MPRIP: variants seen among roughly 807,000 people sequenced by gnomAD.
MPRIP encodes the protein myosin phosphatase Rho-interacting protein.
Under a neutral mutation model 234.9 loss-of-function variants are expected in MPRIP, and 59 were observed. That is an observed-to-expected ratio of 0.25 (90% CI 0.20 to 0.31). MPRIP has a LOEUF of 0.31. Ranked by LOEUF, MPRIP falls within the 10% of genes least tolerant of loss-of-function variation. MPRIP has a pLI of 1.00. For missense variants in MPRIP, 2,436 were observed against 3,071.0 expected (o/e 0.79, Z 4.89); for synonymous variants, 1,144 against 1,263.9 (o/e 0.91, Z 2.01).
intron 5 of MPRIP, 99 bp from the exon 6 acceptor site, chr17:17,136,120 T>C: frequency 8.0e-7 from 1 of 1,246,818 alleles, no homozygotes; most frequent in South Asian, 1.3e-5. Flanking sequence ...ATTGTGTAGC[T>C]GGCCCGGGTG....
In MPRIP at chr17:17,188,576, C is replaced by G. The variant is rs1238274501; in HGVS notation, c.*3682C>G. 6 of 152,242 alleles carry G rather than the reference C, an allele frequency of 3.9e-5. No individual in the cohort carries two copies. Among genetic ancestry groups the G allele is most frequent in the African/African-American group, 1.4e-4 (6 of 41,466 alleles). 9.4% of individuals were successfully genotyped at this position (152,242 alleles called of 1,614,324 possible). A position where few individuals can be genotyped will look rare whatever the true frequency, so the allele number is the denominator to read the frequency against. Reference sequence around the variant, plus strand: ...TCTCAGAATGTGCCTGAAAGGAATACTGACAGATAAGGCCGGAAACAAAAC... The same window carrying G: ...TCTCAGAATGTGCCTGAAAGGAATAGTGACAGATAAGGCCGGAAACAAAAC... On this transcript the variant is annotated 3_prime_UTR_variant, in exon 24 of 24. Transcript: ENST00000651222.
chr17:17,118,658 A>G (rs2090331451), intron 3 of MPRIP, among the ~76,000 whole-genome samples: 1 of 152,122 alleles, frequency 6.6e-6, no homozygotes, highest in Non-Finnish European at 1.5e-5. Context: ...CCTGGTGGGT[A>G]CCTGCTAGGC....
intron 3 of MPRIP, among the ~76,000 whole-genome samples, chr17:17,119,077 C>G (rs1376748337): frequency 7.9e-5 from 12 of 152,214 alleles, no homozygotes; most frequent in Admixed American, 5.9e-4. Flanking sequence ...TGTTGTGCCT[C>G]CCAGGATGTG....
chr17:17,121,578 G>C lies in MPRIP; in HGVS notation c.268-5124G>C, dbSNP rs186838377. Among the ~76,000 whole-genome samples the C allele has an allele frequency of 2.0e-3, 298 of 152,364 alleles. 3 individuals are homozygous for C. Among genetic ancestry groups the C allele is most frequent in the Non-Finnish European group, 1.9e-4 (13 of 68,046 alleles). ...ACCATTGTGCCCTGCGCCTGTGCTG[G>C]TGCTGTTGTTGCTGCTTCCCCATCG... On this transcript the variant is annotated intron_variant, in intron 3 of 23. Transcript: ENST00000651222.
chr17:17,128,934 C>T (rs80057421), intron 4 of MPRIP, among the ~76,000 whole-genome samples: 1 of 152,176 alleles, frequency 6.6e-6, no homozygotes, highest in East Asian at 1.9e-4. Context: ...GGCTCTGGAG[C>T]GCCATTCTGG....
At chr17:17,055,143 G>A (rs2088655190) in intron 1 of MPRIP, among the ~76,000 whole-genome samples, 1 of 151,898 alleles carries the variant, frequency 6.6e-6, no homozygotes, top group African/African-American at 2.4e-5. Context: ...GGCCACTTCT[G>A]TGCCCCTGTC....
At position 17,158,973 on chromosome 17, in the gene MPRIP, C is replaced by T. The variant is rs751424742; in HGVS notation, c.2371C>T (p.His791Tyr). 6.2e-7 allele frequency: 1 copy of T among 1,612,714 alleles called. No homozygotes were observed. Reference protein sequence around the residue: ...SEDGGDRLSTHELTSLLEKEL... With the variant: ...SEDGGDRLSTYELTSLLEKEL... The stretch of plus-strand genomic sequence containing the variant: ...AGATGGGGGTGACCGGCTCTCCACA[C>T]ACGAGCTGACCTCTCTGCTCGAGAA... Residue 791 changes from histidine to tyrosine, a missense_variant, in exon 14 of 24, where the codon CAC (histidine) becomes TAC (tyrosine). Physicochemically the swap from His to Tyr is moderately conservative, Grantham distance 83 (BLOSUM62 2). Around this residue, in one of 4 missense-constraint regions of MPRIP, gnomAD observed 1,998 missense variants for 2,520.3 expected, o/e 0.79. Transcript: ENST00000651222.
intron 11 of MPRIP, among the ~76,000 whole-genome samples, chr17:17,147,938 A>G (rs2045514118): frequency 6.6e-6 from 1 of 152,174 alleles, no homozygotes; most frequent in African/African-American, 2.4e-5. Context: ...AACCTCTTCT[A>G]AACAGTTTGG....
intron 5 of MPRIP, 145 bp downstream of exon 5, chr17:17,131,846 G>A (rs1167949007): frequency 1.9e-5 from 14 of 718,752 alleles, no homozygotes; most frequent in Non-Finnish European, 3.1e-5. Context: ...GCTTTGGGCT[G>A]CAATCTGCAA....
At chr17:17,146,889 T>A (rs1256676682) in intron 10 of MPRIP, among the ~76,000 whole-genome samples, 2 of 152,266 alleles carry the variant, frequency 1.3e-5, no homozygotes, top group Admixed American at 6.5e-5. Context: ...TTACCCCTGC[T>A]GGTTAGGAGG....
chr17:17,070,075 A>G (rs1259066027), intron 1 of MPRIP, among the ~76,000 whole-genome samples: 1 of 152,146 alleles, frequency 6.6e-6, no homozygotes. Flanking sequence ...GTAGTGTGCC[A>G]CTTCCTTCTG....
At chr17:17,172,489 G>A (rs111567735) in intron 17 of MPRIP, among the ~76,000 whole-genome samples, 22 of 152,302 alleles carry the variant, frequency 1.4e-4, no homozygotes, top group African/African-American at 5.1e-4. Flanking sequence ...CCTTCCAGGG[G>A]GAGTTCATGA....
rs546226417 is a variant in MPRIP at position 17,189,003 on chromosome 17, C to T, written c.*4109C>T. On this transcript the variant is annotated 3_prime_UTR_variant, in exon 24 of 24. Coordinates refer to ENST00000651222, the MANE Select transcript of MPRIP (RefSeq NM_001364716.4). ...TGGCTGGCCACATACCCCTTTCTCC[C>T]AGCTACTCATTCACTGACTTGGGTA... 1.3e-5 allele frequency: 2 copies of T among 152,358 alleles called. No homozygotes were observed. The highest frequency in any genetic ancestry group is 2.1e-4 in the South Asian group (1 of 4,828). The allele number at this position is 152,358 out of a possible 1,614,324, so 9.4% of individuals were successfully genotyped here.
At chr17:17,155,381 T>C (rs1268526210) in intron 13 of MPRIP, among the ~76,000 whole-genome samples, 1 of 152,130 alleles carries the variant, frequency 6.6e-6, no homozygotes, top group Non-Finnish European at 1.5e-5. Flanking sequence ...GCCTCCCAAG[T>C]AGCTGGGATT....
intron 3 of MPRIP, among the ~76,000 whole-genome samples, chr17:17,107,317 G>C (rs1257050562): frequency 6.6e-6 from 1 of 152,250 alleles, no homozygotes; most frequent in Non-Finnish European, 1.5e-5. Context: ...GAAGACAAGA[G>C]TCTTCAGGAA....
At chr17:17,092,161 CT>C (rs1358676284) in intron 3 of MPRIP, among the ~76,000 whole-genome samples, 2 of 152,256 alleles carry the variant, frequency 1.3e-5, no homozygotes, top group African/African-American at 4.8e-5. Context: ...CCTCTCCCCA[CT>C]CCAAAGATGG....
intron 1 of MPRIP, among the ~76,000 whole-genome samples, chr17:17,049,076 T>C (rs192187926): frequency 2.0e-5 from 3 of 152,306 alleles, no homozygotes; most frequent in Admixed American, 2.0e-4. Context: ...GAGGCAGACA[T>C]GAAAGGTCAT....
At chr17:17,103,930 C>A (rs2090013143) in intron 3 of MPRIP, among the ~76,000 whole-genome samples, 1 of 152,112 alleles carries the variant, frequency 6.6e-6, no homozygotes. Flanking sequence ...GGATGGGAGA[C>A]CAGGTGTTTT....
intron 19 of MPRIP, among the ~76,000 whole-genome samples, chr17:17,174,437 G>C (rs1448841963): frequency 1.3e-5 from 2 of 152,170 alleles, no homozygotes. Flanking sequence ...GGCCTGGCAG[G>C]GTCATCCCAA....
Sources: allele counts gnomAD v4.1 joint callset (sites outside exome capture counted in the v4.1 genomes callset), GRCh38; gene constraint gnomAD v4.1.1; regional missense constraint gnomAD v4.1.1; transcripts MANE v1.5; gene names NCBI Gene and HGNC (gene_info 2026-07-23, HGNC 2026-07-21).